ATG4D: variants seen among roughly 807,000 people sequenced by gnomAD.
The protein encoded by ATG4D is autophagy related 4D cysteine peptidase, also known as cysteine protease ATG4D.
A neutral mutation model predicts 55.2 loss-of-function variants in ATG4D; 51 were observed. That is an observed-to-expected ratio of 0.92 (90% CI 0.74 to 1.17). The LOEUF (loss-of-function observed/expected upper bound fraction) is 1.17, where lower values mean the gene tolerates loss of function less well. Among genes scored for constraint, ATG4D ranks in the 50% most tolerant of loss-of-function variants. The pLI, the probability that ATG4D is intolerant of heterozygous loss-of-function variation, is 0.00. For synonymous variants in ATG4D, 268 were observed against 266.2 expected, an observed-to-expected ratio of 1.01 and a Z score of -0.07; for missense variants, 635 against 649.6, an observed-to-expected ratio of 0.98 and a Z score of 0.25.
At chr19:10,550,398 A>G (rs1916182892) in intron 6 of ATG4D, among the ~76,000 whole-genome samples, 1 of 152,178 alleles carries the variant, frequency 6.6e-6, no homozygotes, top group African/African-American at 2.4e-5. Context: ...CCACCAGGCA[A>G]ATGAGGAGCC....
At position 10,544,117 on chromosome 19, in the gene ATG4D, G is replaced by A; in HGVS notation, c.27G>A (p.Ala9=). 8.0e-7 allele frequency: 1 copy of A among 1,242,528 alleles called. No homozygotes were observed. Among genetic ancestry groups the A allele is most frequent in the Non-Finnish European group, 1.0e-6 (1 of 986,148 alleles). The allele number at this position is 1,242,528 out of a possible 1,614,324, so 77.0% of individuals were successfully genotyped here. A position where few individuals can be genotyped will look rare whatever the true frequency, so the allele number is the denominator to read the frequency against. ...TGAACTCAGTGTCGCCGGCCGCCGCGCAGTACCGGAGCAGCAGCCCGGAGG... is the reference window on the plus strand; with the variant it reads ...TGAACTCAGTGTCGCCGGCCGCCGCACAGTACCGGAGCAGCAGCCCGGAGG... MNSVSPAA[A]QYRSSSPEDA... is the part of the protein sequence containing the mutation. Residue 9 remains alanine (A), a synonymous_variant, in exon 1 of 10, where the codon GCG becomes GCA. Transcript: ENST00000309469.
chr19:10,547,357 G>T, intron 5 of ATG4D, 104 bp downstream of exon 5: 1 of 1,376,886 alleles, frequency 7.3e-7, no homozygotes, highest in Non-Finnish European at 1.0e-6. Flanking sequence ...ACAAGTTGTG[G>T]GGCAGAGGGA....
intron 6 of ATG4D, chr19:10,551,079 G>A (rs538850922): frequency 6.6e-6 from 1 of 152,260 alleles, no homozygotes; most frequent in South Asian, 2.1e-4. Flanking sequence ...AATTCTAAAA[G>A]AGCTGTAATG....
chr19:10,551,912 G>A lies in ATG4D; in HGVS notation c.982G>A (p.Glu328Lys), dbSNP rs760463896. Residue 328 changes from glutamate (E) to lysine (K), a missense_variant, in exon 7 of 10, where the codon GAG becomes AAG. Glu to Lys is a moderately conservative substitution (Grantham distance 56, BLOSUM62 1). Coordinates refer to ENST00000309469, the MANE Select transcript of ATG4D (RefSeq NM_032885.6). ...CTCCCTGCAGGAACTCCTGCGTTGC[G>A]AGCTGTGCCTGGGCATCATGGGTGG... ...VPCVKELLRC[E>K]LCLGIMGGKP... The A allele has an allele frequency of 6.2e-6, 10 of 1,613,960 alleles. No homozygotes were observed. Among genetic ancestry groups the A allele is most frequent in the East Asian group, 2.2e-5 (1 of 44,868 alleles).
chr19:10,544,350 G>A (rs1222298270), intron 1 of ATG4D, 25 bp downstream of exon 1: 1 of 1,302,178 alleles, frequency 7.7e-7, no homozygotes, highest in Non-Finnish European at 9.8e-7. Flanking sequence ...CGGAGATCGT[G>A]GGGGTGTCGG....
At chr19:10,545,476 G>GT (rs1352162201) in intron 3 of ATG4D, among the ~76,000 whole-genome samples, 1 of 151,898 alleles carries the variant, frequency 6.6e-6, no homozygotes, top group Non-Finnish European at 1.5e-5. Flanking sequence ...CGAGGCTGAG[G>GT]TGGGAGAATC....
intron 6 of ATG4D, among the ~76,000 whole-genome samples, chr19:10,550,093 C>T (rs1313237418): frequency 1.3e-5 from 2 of 151,854 alleles, no homozygotes; most frequent in African/African-American, 2.4e-5. Context: ...CTGCAACCTC[C>T]GCTTCCCAGG....
Position 10,552,206 on chromosome 19 carries a change from C to G in ATG4D, c.1124C>G (p.Ser375Cys). The G allele has an allele frequency of 1.4e-5, 23 of 1,612,478 alleles. No individual in the cohort carries two copies. Among genetic ancestry groups the G allele is most frequent in the Non-Finnish European group, 1.9e-5 (22 of 1,179,994 alleles). The stretch of plus-strand genomic sequence containing the variant: ...GCCTTCCTCGTCTGTCTGCCCCAGT[C>G]CTTCCACTGCACCTCGCCCCGCAAG... ...DVSQADFPLE[S>C]FHCTSPRKMA... The change falls in exon 9 of 10, where the codon TCC becomes TGC. Residue 375 changes from serine to cysteine, a missense_variant and splice_region_variant. Transcript: ENST00000309469.
Position 10,544,196 on chromosome 19 carries a change from C to T in ATG4D, c.106C>T (p.Pro36Ser), listed in dbSNP as rs560566811. 6 of 1,249,302 alleles carry T rather than the reference C, an allele frequency of 4.8e-6. No homozygotes were observed. In the East Asian group the frequency reaches 1.6e-4, roughly 33 times the overall value. The allele number at this position is 1,249,302 out of a possible 1,614,324, so 77.4% of individuals were successfully genotyped here. The change falls in exon 1 of 10, where the codon CCC becomes TCC. Residue 36 changes from proline (P) to serine (S), a missense_variant. Physicochemically the swap from Pro to Ser is moderately conservative, Grantham distance 74. Transcript: ENST00000309469. ...GCCGCGGGGTCCCAGAGGCCCAGAC[C>T]CCAACGGCCTGGGGCCTTCCGGAGC... Reference protein sequence around the residue: ...RRPRGPRGPDPNGLGPSGASG... With the variant: ...RRPRGPRGPDSNGLGPSGASG...
chr19:10,551,170 G>C (rs1916212603), intron 6 of ATG4D: 1 of 152,320 alleles, frequency 6.6e-6, no homozygotes, highest in Admixed American at 6.5e-5. Context: ...TAACACATGA[G>C]ATAAATCATG....
At chr19:10,552,694 C>G (rs1916315348) in intron 9 of ATG4D, among the ~76,000 whole-genome samples, 191 bp from the exon 10 acceptor site, 1 of 152,230 alleles carries the variant, frequency 6.6e-6, no homozygotes. Context: ...AATCCCAGGA[C>G]TGTCAGTCTT....
chr19:10,547,625 C>CG (rs1916080156), intron 5 of ATG4D, among the ~76,000 whole-genome samples: 1 of 53,442 alleles, frequency 1.9e-5, no homozygotes, highest in African/African-American at 6.1e-5. Flanking sequence ...AGGATCCTGT[C>CG]GAAAAAAAAA....
chr19:10,553,118 T>C lies in ATG4D; in HGVS notation c.*51T>C. 1 of 1,515,416 alleles carries C rather than the reference T, an allele frequency of 6.6e-7. No individual in the cohort carries two copies. Among genetic ancestry groups the C allele is most frequent in the Non-Finnish European group, 8.8e-7 (1 of 1,132,592 alleles). 93.9% of individuals were successfully genotyped at this position (1,515,416 alleles called of 1,614,324 possible). On this transcript the variant is annotated 3_prime_UTR_variant, in exon 10 of 10. Coordinates refer to ENST00000309469, the MANE Select transcript of ATG4D (RefSeq NM_032885.6). Reference sequence around the variant, plus strand: ...AACACTATTTATTTTTTTATTTATGTCATGTCGGGTGTGGGATCTTGAGCT... The same window carrying C: ...AACACTATTTATTTTTTTATTTATGCCATGTCGGGTGTGGGATCTTGAGCT...
At chr19:10,552,599 C>T (rs764269211) in intron 9 of ATG4D, among the ~76,000 whole-genome samples, 9 of 152,156 alleles carry the variant, frequency 5.9e-5, no homozygotes, top group Non-Finnish European at 1.3e-4. Flanking sequence ...AGGACTCTAC[C>T]CTTATGGGGG....
intron 6 of ATG4D, among the ~76,000 whole-genome samples, chr19:10,551,644 G>A (rs967119938): frequency 2.0e-5 from 3 of 147,686 alleles, no homozygotes; most frequent in Non-Finnish European, 4.4e-5. Context: ...AGGTTGCGGT[G>A]AGCCAATTGG....
intron 7 of ATG4D, 27 bp from the exon 8 acceptor site, chr19:10,552,018 C>T (rs368082674): frequency 7.4e-6 from 12 of 1,610,972 alleles, no homozygotes; most frequent in African/African-American, 4.0e-5. Flanking sequence ...CCCACCGCAC[C>T]CCCACTCACA....
At chr19:10,552,817 A>G (rs1916323721) in intron 9 of ATG4D, 68 bp from the exon 10 acceptor site, 1 of 1,500,524 alleles carries the variant, frequency 6.7e-7, no homozygotes, top group Admixed American at 2.0e-5. Context: ...CACCTACTAA[A>G]TAAACCTGGG....
Position 10,547,101 on chromosome 19 carries a change from G to A in ATG4D, c.756G>A (p.Val252=), listed in dbSNP as rs779220713. The A allele has an allele frequency of 3.1e-6, 5 of 1,603,980 alleles. No individual in the cohort carries two copies. In the African/African-American group the frequency reaches 6.7e-5, roughly 21 times the overall value. The part of the protein sequence containing the change: ...KAGDWYGPSL[V]AHILRKAVES... ...GTGACTGGTATGGGCCATCGCTAGT[G>A]GCACACATCCTCAGGTGAGGGCTGC... Residue 252 remains valine, a synonymous_variant, in exon 4 of 10, where the codon GTG becomes GTA. Coordinates refer to ENST00000309469, the MANE Select transcript of ATG4D (RefSeq NM_032885.6).
chr19:10,549,754 A>ATG (rs1916164603), intron 6 of ATG4D, among the ~76,000 whole-genome samples: 1 of 151,944 alleles, frequency 6.6e-6, no homozygotes, highest in African/African-American at 2.4e-5. Flanking sequence ...AGCACCTGCT[A>ATG]TGTGTGCTCC....
Sources: gnomAD v4.1 joint callset for allele counts (sites outside exome capture counted in the v4.1 genomes callset) on GRCh38, gnomAD v4.1.1 for gene constraint, MANE v1.5 for transcripts, NCBI Gene and HGNC (gene_info 2026-07-23, HGNC 2026-07-21) for gene names.